Variants in TSHZ1 observed in about 807,000 individuals in gnomAD.
TSHZ1 encodes teashirt homolog 1.
A neutral mutation model predicts 67.1 loss-of-function variants in TSHZ1; 12 were observed. That is an observed-to-expected ratio of 0.18 (90% CI 0.11 to 0.29). The LOEUF is 0.29. TSHZ1 is among the 10% of genes least tolerant of loss of function. The pLI is 1.00. For synonymous variants in TSHZ1, 632 were observed against 622.4 expected (o/e 1.02, Z -0.23); for missense variants, 1,305 against 1,413.9 (o/e 0.92, Z 1.23).
chr18:75,277,724 A>C (rs1195470809), intron 1 of TSHZ1, among the ~76,000 whole-genome samples: 1 of 152,232 alleles, frequency 6.6e-6, no homozygotes, highest in African/African-American at 2.4e-5. Flanking sequence ...TCCTTCTGCC[A>C]TTACTGTGGG....
intron 1 of TSHZ1, among the ~76,000 whole-genome samples, chr18:75,224,085 C>G (rs2022885963): frequency 2.0e-5 from 3 of 147,572 alleles, no homozygotes; most frequent in South Asian, 4.3e-4. Flanking sequence ...AAAAAAGATC[C>G]TCACTTTTTT....
At chr18:75,268,161 C>T (rs2023514589) in intron 1 of TSHZ1, among the ~76,000 whole-genome samples, 1 of 152,122 alleles carries the variant, frequency 6.6e-6, no homozygotes, top group Non-Finnish European at 1.5e-5. Context: ...TTTTATTAAC[C>T]GTCTTTAAGA....
At chr18:75,259,968 A>AGT (rs2023410058) in intron 1 of TSHZ1, among the ~76,000 whole-genome samples, 1 of 152,134 alleles carries the variant, frequency 6.6e-6, no homozygotes, top group Non-Finnish European at 1.5e-5. Flanking sequence ...CCACTTCTTG[A>AGT]GTGTGTGTGA....
chr18:75,253,028 T>G (rs1371896484), intron 1 of TSHZ1, among the ~76,000 whole-genome samples: 3 of 152,236 alleles, frequency 2.0e-5, no homozygotes, highest in African/African-American at 7.2e-5. Context: ...TTTATAGTGG[T>G]AAATTTTCCA....
intron 1 of TSHZ1, among the ~76,000 whole-genome samples, chr18:75,232,115 G>T (rs1279914497): frequency 1.3e-5 from 2 of 150,856 alleles, no homozygotes; most frequent in African/African-American, 4.8e-5. Flanking sequence ...GTTTCTCCAT[G>T]TTTGTCAGGC....
At chr18:75,271,680 G>A (rs753206689) in intron 1 of TSHZ1, among the ~76,000 whole-genome samples, 8 of 152,002 alleles carry the variant, frequency 5.3e-5, no homozygotes, top group Non-Finnish European at 1.0e-4. Context: ...TAGCATTTTC[G>A]ACAAGGTTGT....
intron 1 of TSHZ1, among the ~76,000 whole-genome samples, chr18:75,219,654 T>C (rs2122516364): frequency 6.6e-6 from 1 of 152,374 alleles, no homozygotes; most frequent in South Asian, 2.1e-4. Flanking sequence ...CTTTAGACTT[T>C]TTGGGGGAAA....
intron 1 of TSHZ1, among the ~76,000 whole-genome samples, chr18:75,252,602 T>C (rs1483128502): frequency 1.3e-5 from 2 of 152,236 alleles, no homozygotes; most frequent in African/African-American, 4.8e-5. Context: ...ACATCTAAAA[T>C]TAATTTTGGT....
At chr18:75,261,685 C>T (rs938061467) in intron 1 of TSHZ1, among the ~76,000 whole-genome samples, 9 of 152,180 alleles carry the variant, frequency 5.9e-5, no homozygotes, top group Admixed American at 4.6e-4. Context: ...TCTTAAATGA[C>T]TGATAAGAGG....
At chr18:75,212,793 A>G (rs2022716657) in intron 1 of TSHZ1, among the ~76,000 whole-genome samples, 1 of 152,116 alleles carries the variant, frequency 6.6e-6, no homozygotes, top group Admixed American at 6.5e-5. Flanking sequence ...CTACTAATCC[A>G]TTGCTAAACC....
At position 75,288,690 on chromosome 18, in the gene TSHZ1, G is replaced by C. The variant is rs767140127; in HGVS notation, c.*49G>C. On this transcript the variant is annotated 3_prime_UTR_variant, in exon 2 of 2. Coordinates refer to ENST00000580243, the MANE Select transcript of TSHZ1 (RefSeq NM_001308210.2). This position sits in a 1 kb window ranked among gnomAD's most constrained non-coding sequence, Gnocchi z 4.9. ...GGAACATTGCACTAAACGTCGTCGAGCTGCACTAGGCCTGGCCTGAGCCTC... is the reference window on the plus strand; with the variant it reads ...GGAACATTGCACTAAACGTCGTCGACCTGCACTAGGCCTGGCCTGAGCCTC... The C allele has an allele frequency of 3.9e-5, 60 of 1,529,942 alleles. No individual in the cohort carries two copies. Among genetic ancestry groups the C allele is most frequent in the Non-Finnish European group, 4.7e-5 (54 of 1,140,240 alleles). The allele number at this position is 1,529,942 out of a possible 1,614,324, so 94.8% of individuals were successfully genotyped here.
At chr18:75,243,596 T>C (rs538319687) in intron 1 of TSHZ1, among the ~76,000 whole-genome samples, 1 of 152,250 alleles carries the variant, frequency 6.6e-6, no homozygotes, top group South Asian at 2.1e-4. Flanking sequence ...TGAATCAATG[T>C]GGGTTTGTCA....
At chr18:75,234,532 G>A (rs1008852506) in intron 1 of TSHZ1, among the ~76,000 whole-genome samples, 3 of 152,098 alleles carry the variant, frequency 2.0e-5, no homozygotes, top group Non-Finnish European at 4.4e-5. Context: ...GGATAGTGGC[G>A]ATGCTCTGGG....
At chr18:75,275,898 T>C (rs993848440) in intron 1 of TSHZ1, among the ~76,000 whole-genome samples, 1 of 152,180 alleles carries the variant, frequency 6.6e-6, no homozygotes, top group Non-Finnish European at 1.5e-5. Context: ...GTCACTTGCT[T>C]TTTGCTGTTC....
chr18:75,267,875 C>G (rs1468914548), intron 1 of TSHZ1, among the ~76,000 whole-genome samples: 1 of 152,220 alleles, frequency 6.6e-6, no homozygotes, highest in African/African-American at 2.4e-5. Flanking sequence ...CTCATGACTG[C>G]AACTTCTAAA....
chr18:75,258,841 A>G (rs2023394975), intron 1 of TSHZ1, among the ~76,000 whole-genome samples: 1 of 152,194 alleles, frequency 6.6e-6, no homozygotes, highest in African/African-American at 2.4e-5. Context: ...CTGATGGATG[A>G]CGATGATGGC....
At chr18:75,212,634 T>C (rs1024013270) in intron 1 of TSHZ1, among the ~76,000 whole-genome samples, 1 of 152,162 alleles carries the variant, frequency 6.6e-6, no homozygotes, top group African/African-American at 2.4e-5. Context: ...CTGATAAACA[T>C]CAATAAATCA....
At chr18:75,217,172 C>G (rs2022780512) in intron 1 of TSHZ1, among the ~76,000 whole-genome samples, 1 of 152,220 alleles carries the variant, frequency 6.6e-6, no homozygotes, top group African/African-American at 2.4e-5. Context: ...AGGCAGGCCT[C>G]TGCAGAGGGC....
intron 1 of TSHZ1, chr18:75,283,509 A>G (rs1465363172): frequency 6.6e-6 from 1 of 152,210 alleles, no homozygotes; most frequent in Non-Finnish European, 1.5e-5. Context: ...GGGGTCTTAC[A>G]TGATTGGTTA....
Sources: gnomAD v4.1 joint callset for allele counts (sites outside exome capture counted in the v4.1 genomes callset) on GRCh38, gnomAD v4.1.1 for gene constraint, Gnocchi (gnomAD v3.1) non-coding constraint, MANE v1.5 for transcripts, NCBI Gene and HGNC (gene_info 2026-07-23, HGNC 2026-07-21) for gene names.